The following SCARF2 variants were observed in gnomAD, a reference collection of about 807,000 sequenced individuals.
The protein encoded by SCARF2 is scavenger receptor expressed by endothelial cells 2 protein.
A neutral mutation model predicts 73.4 loss-of-function variants in SCARF2; 39 were observed. The observed-to-expected ratio is 0.53, with a 90% confidence interval of 0.41 to 0.69. The LOEUF (loss-of-function observed/expected upper bound fraction) is 0.69. Ranked by LOEUF, SCARF2 falls within the 30% of genes least tolerant of loss-of-function variation. The pLI, the probability that SCARF2 is intolerant of heterozygous loss-of-function variation, is 0.00. For missense variants in SCARF2, 1,148 were observed against 1,303.5 expected, an observed-to-expected ratio of 0.88 and a Z score of 1.84; for synonymous variants, 605 against 590.0, an observed-to-expected ratio of 1.03 and a Z score of -0.37.
At position 20,427,209 on chromosome 22, in the gene SCARF2, T is replaced by TGAGCAGCAGA. The variant is rs59788000; in HGVS notation, c.1693+188_1693+189insTCTGCTGCTC. Among the ~76,000 whole-genome samples, 12,480 of 152,214 alleles carry TGAGCAGCAGA rather than the reference T, an allele frequency of 0.082. 1,193 individuals carry two copies. Among genetic ancestry groups the TGAGCAGCAGA allele is most frequent in the East Asian group, 0.46 (2,400 of 5,162 alleles). On this transcript the variant is annotated intron_variant, in intron 10 of 10. Coordinates refer to ENST00000622235, the MANE Select transcript of SCARF2 (RefSeq NM_182895.5). ...TGTGGCCTACCCATCTCCCCACACC[T>TGAGCAGCAGA]GTCTCCGGTACTGAGCAGCAGAGTC...
intron 1 of SCARF2, among the ~76,000 whole-genome samples, chr22:20,435,420 A>G (rs910914543): frequency 6.6e-6 from 1 of 152,126 alleles, no homozygotes; most frequent in African/African-American, 2.4e-5. Flanking sequence ...GCCACCTGGC[A>G]GCCAATCCTG....
rs1398473392 is a variant in SCARF2, at chr22:20,431,540, G to A, written c.335-3C>T. 5 of 1,572,132 alleles carry A rather than the reference G, an allele frequency of 3.2e-6. No homozygotes were observed. The highest frequency in any genetic ancestry group is 1.3e-5 in the African/African-American group (1 of 74,280). On this transcript the variant is annotated splice_polypyrimidine_tract_variant and splice_region_variant and intron_variant, in intron 3 of 10. Coordinates refer to ENST00000622235, the MANE Select transcript of SCARF2 (RefSeq NM_182895.5). ...GCCCCAGAACTGGCGCGGGCACTCT[G>A]CAGGGGAGGAGCGGAGGGGGTGGAA...
rs1438135660 is a variant in SCARF2 at position 20,431,001 on chromosome 22, C to T, written c.854+17G>A. ...CCCTTCCACCTCCTCCCTCCCTGGC[C>T]GAGAGACCGCGCTTACCGGCGGCGA... On this transcript the variant is annotated intron_variant, in intron 4 of 10. Coordinates refer to ENST00000622235, the MANE Select transcript of SCARF2 (RefSeq NM_182895.5). 3 of 1,564,540 alleles carry T rather than the reference C, an allele frequency of 1.9e-6. No individual in the cohort carries two copies. The highest frequency in any genetic ancestry group is 1.2e-5 in the South Asian group (1 of 86,690).
At position 20,430,617 on chromosome 22, in the gene SCARF2, G is replaced by T. The variant is rs1023653140; in HGVS notation, c.1074-60C>A. On this transcript the variant is annotated intron_variant, in intron 5 of 10. Transcript: ENST00000622235. ...GAGGCAAACGGACCACAGCGCCCTC[G>T]ACATTGGGGCCTTTGTTAGGGAGGC... 76 of 1,608,614 alleles carry T rather than the reference G, an allele frequency of 4.7e-5. No homozygotes were observed. In the Middle Eastern group the frequency reaches 9.9e-4, roughly 21 times the overall value.
At chr22:20,435,850 A>G (rs1018143121) in intron 1 of SCARF2, among the ~76,000 whole-genome samples, 1 of 152,124 alleles carries the variant, frequency 6.6e-6, no homozygotes, top group Non-Finnish European at 1.5e-5. Context: ...CTACACCAAT[A>G]CAGGCCTGGC....
chr22:20,430,632 G>A (rs2052633368), intron 5 of SCARF2, 58 bp downstream of exon 5: 1 of 1,605,042 alleles, frequency 6.2e-7, no homozygotes, highest in Non-Finnish European at 8.5e-7. Context: ...TGGGGCCTTT[G>A]TTAGGGAGGC....
intron 1 of SCARF2, among the ~76,000 whole-genome samples, chr22:20,436,504 CA>C (rs1257508142): frequency 3.9e-5 from 6 of 152,012 alleles, no homozygotes; most frequent in African/African-American, 1.4e-4. Flanking sequence ...GCGGGGCTCG[CA>C]GCGGGGAGGG....
At position 20,426,236 on chromosome 22, in the gene SCARF2, G is replaced by A. The variant is rs773231248; in HGVS notation, c.1740C>T (p.Ala580=). Residue 580 remains alanine, a synonymous_variant, in exon 11 of 11, where the codon GCC becomes GCT. Coordinates refer to ENST00000622235, the MANE Select transcript of SCARF2 (RefSeq NM_182895.5). ...SRDPEVPTVP[A]EAPAPSPVPL... ...GCACAGGGGACGGCGCCGGCGCCTC[G>A]GCAGGGACAGTGGGGACTTCGGGGT... 3.9e-6 allele frequency: 6 copies of A among 1,535,974 alleles called. No individual in the cohort carries two copies. The highest frequency in any genetic ancestry group is 2.4e-5 in the East Asian group (1 of 41,576).
chr22:20,434,988 C>T (rs1236182917), intron 1 of SCARF2, among the ~76,000 whole-genome samples: 1 of 152,200 alleles, frequency 6.6e-6, no homozygotes, highest in African/African-American at 2.4e-5. Context: ...TCGGGAAGCT[C>T]ACTGAACACT....
chr22:20,429,619 G>A lies in SCARF2; in HGVS notation c.1341C>T (p.Gly447=), dbSNP rs540692886. ...GGCAGACGAGCAGGACGAGCAGCGC[G>A]CCCGCGCCCATCACGCCCTTGCGCT... ...TNQRKGVMGA[G]ALLVLLVCLL... is the part of the protein sequence containing the mutation. Residue 447 remains glycine, a synonymous_variant, in exon 8 of 11, where the codon GGC becomes GGT. Transcript: ENST00000622235. The surrounding 1 kb of genome is among the most constrained non-coding windows in gnomAD (Gnocchi z 5.2). The A allele has an allele frequency of 1.4e-5, 23 of 1,613,758 alleles. No individual in the cohort carries two copies. The East Asian group carries it at 4.9e-4, about 34-fold the overall frequency.
At chr22:20,430,946 C>G (rs769345313) in intron 4 of SCARF2, 38 bp from the exon 5 acceptor site, 2 of 1,563,068 alleles carry the variant, frequency 1.3e-6, no homozygotes, top group South Asian at 1.1e-5. Context: ...GGCTGGGACC[C>G]GCCTCACCCC....
chr22:20,429,134 C>T lies in SCARF2; in HGVS notation c.1540+91G>A, dbSNP rs959074266. 7.2e-6 allele frequency: 11 copies of T among 1,535,772 alleles called. No homozygotes were observed. The highest frequency in any genetic ancestry group is 9.0e-6 in the Non-Finnish European group (10 of 1,111,386). On this transcript the variant is annotated intron_variant, in intron 9 of 10. Coordinates refer to ENST00000622235, the MANE Select transcript of SCARF2 (RefSeq NM_182895.5). This position sits in a 1 kb window ranked among gnomAD's most constrained non-coding sequence, Gnocchi z 5.2. ...CAACACTCAAGGTCCCCCATTTCCT[C>T]ACTGAGATCTGGACCCCCTCACACC...
In SCARF2 at chr22:20,424,970, G is replaced by T. The variant is rs565614216; in HGVS notation, c.*405C>A. ...CAGCCAGAGGCACCAGGCCCTAGCG[G>T]GGGAGAGGCAGCCCGGGCAGAAGTG... On this transcript the variant is annotated 3_prime_UTR_variant, in exon 11 of 11. Coordinates refer to ENST00000622235, the MANE Select transcript of SCARF2 (RefSeq NM_182895.5). 5.8e-6 allele frequency: 1 copy of T among 172,328 alleles called. No homozygotes were observed. Among genetic ancestry groups the T allele is most frequent in the Admixed American group, 6.3e-5 (1 of 15,780 alleles). The allele number at this position is 172,328 out of a possible 1,614,324, so 10.7% of individuals were successfully genotyped here.
intron 1 of SCARF2, among the ~76,000 whole-genome samples, chr22:20,433,156 T>A (rs2146134843): frequency 6.6e-6 from 1 of 152,340 alleles, no homozygotes; most frequent in East Asian, 1.9e-4. Flanking sequence ...TTGGAGGCCC[T>A]GCCTGAGTGA....
Position 20,431,859 on chromosome 22 carries a change from C to T in SCARF2, c.233-13G>A. ...CCTTCGCACACCGCTGTGGACGAGA[C>T]AGGCCAGAGCTGCTGCGCGTCCTAG... On this transcript the variant is annotated splice_polypyrimidine_tract_variant and intron_variant, in intron 2 of 10. Coordinates refer to ENST00000622235, the MANE Select transcript of SCARF2 (RefSeq NM_182895.5). 6.3e-7 allele frequency: 1 copy of T among 1,596,944 alleles called. No homozygotes were observed. The highest frequency in any genetic ancestry group is 8.5e-7 in the Non-Finnish European group (1 of 1,172,800).
At chr22:20,436,622 C>T (rs2052702984) in intron 1 of SCARF2, among the ~76,000 whole-genome samples, 1 of 151,966 alleles carries the variant, frequency 6.6e-6, no homozygotes, top group Non-Finnish European at 1.5e-5. Flanking sequence ...GTCCGTGGCT[C>T]AGGCGCCCCG....
intron 10 of SCARF2, 86 bp from the exon 11 acceptor site, chr22:20,426,368 C>T (rs2052578992): frequency 2.1e-6 from 3 of 1,433,588 alleles, no homozygotes; most frequent in South Asian, 2.6e-5. Flanking sequence ...CACCTTTCCT[C>T]CTCTACCCAC....
At chr22:20,436,508 G>C (rs971241843) in intron 1 of SCARF2, among the ~76,000 whole-genome samples, 3 of 152,002 alleles carry the variant, frequency 2.0e-5, no homozygotes, top group Admixed American at 1.3e-4. Flanking sequence ...GGCTCGCAGC[G>C]GGGAGGGGTC....
intron 1 of SCARF2, among the ~76,000 whole-genome samples, chr22:20,432,430 C>T (rs1037144444): frequency 6.6e-5 from 10 of 152,254 alleles, no homozygotes; most frequent in East Asian, 1.9e-4. Flanking sequence ...ATGATGAGGA[C>T]GGCACTAGGA....
Sources: gnomAD v4.1 joint callset for allele counts (sites outside exome capture counted in the v4.1 genomes callset) on GRCh38, gnomAD v4.1.1 for gene constraint, Gnocchi (gnomAD v3.1) non-coding constraint, MANE v1.5 for transcripts, NCBI Gene and HGNC (gene_info 2026-07-23, HGNC 2026-07-21) for gene names.